Variants in GDPD4 observed in about 807,000 individuals in gnomAD.
GDPD4 encodes the protein glycerophosphodiester phosphodiesterase domain containing 4.
Under a neutral mutation model 67.8 loss-of-function variants are expected in GDPD4, and 60 were observed. The observed-to-expected ratio is 0.88, with a 90% confidence interval of 0.72 to 1.10. The LOEUF is 1.10. Ranked by LOEUF, GDPD4 falls within the 50% of genes least tolerant of loss-of-function variation. The pLI, the probability that GDPD4 is intolerant of heterozygous loss-of-function variation, is 0.00. For synonymous variants in GDPD4, 212 were observed against 210.9 expected (o/e 1.00, Z -0.04); for missense variants, 623 against 613.9 (o/e 1.01, Z -0.16).
intron 5 of GDPD4, among the ~76,000 whole-genome samples, chr11:77,272,635 G>C (rs939167027): frequency 1.3e-5 from 2 of 152,068 alleles, no homozygotes; most frequent in African/African-American, 4.8e-5. Flanking sequence ...AATTAGCCAG[G>C]TGTGGTTGCA....
At chr11:77,253,665 C>CA (rs780453344) in intron 11 of GDPD4, among the ~76,000 whole-genome samples, 1 of 152,114 alleles carries the variant, frequency 6.6e-6, no homozygotes, top group African/African-American at 2.4e-5. Flanking sequence ...ATTGATTCTC[C>CA]AAGGGTTGAT....
rs58364800 is a variant in GDPD4, at chr11:77,228,499, CAAAAAAAAAAAA to C, written c.1473-595_1473-584del. On this transcript the variant is annotated intron_variant, in intron 15 of 16. Transcript: ENST00000315938. The stretch of plus-strand genomic sequence containing the variant: ...TGGGTGACAGAGCAAGACTCCGTCT[CAAAAAAAAAAAA>C]AAAAAAAAAAAAAAAAATTAGCCAG... Among the ~76,000 whole-genome samples the C allele has an allele frequency of 2.3e-4, 6 of 26,642 alleles. 1 individual carries two copies. Among genetic ancestry groups the C allele is most frequent in the South Asian group, 5.1e-3 (2 of 390 alleles). The allele number at this position is 26,642 out of a possible 152,430, so 17.5% of individuals were successfully genotyped here.
At position 77,233,136 on chromosome 11, in the gene GDPD4, G is replaced by A. The variant is rs374668056; in HGVS notation, c.1278C>T (p.Tyr426=). The A allele has an allele frequency of 5.0e-6, 8 of 1,613,824 alleles. No homozygotes were observed. Among genetic ancestry groups the A allele is most frequent in the South Asian group, 4.4e-5 (4 of 91,066 alleles). Residue 426 remains tyrosine, a synonymous_variant, in exon 14 of 17, where the codon TAC becomes TAT. Coordinates refer to ENST00000315938, the MANE Select transcript of GDPD4 (RefSeq NM_182833.3). ...AGAAAAGCCAAGGCTCATTGACGGT[G>A]TATACGTTGATATGGATGTTAGCTG... is the stretch of plus-strand genomic sequence containing the variant. The part of the protein sequence containing the change: ...YKAANIHINV[Y]TVNEPWLFSL...
chr11:77,280,093 A>G (rs1959691552), intron 3 of GDPD4, among the ~76,000 whole-genome samples: 1 of 152,202 alleles, frequency 6.6e-6, no homozygotes, highest in Non-Finnish European at 1.5e-5. Flanking sequence ...TGTGAGATAA[A>G]CTAGGAAGAA....
chr11:77,292,360 C>G (rs527499889), intron 1 of GDPD4, among the ~76,000 whole-genome samples: 11 of 151,812 alleles, frequency 7.2e-5, no homozygotes, highest in Non-Finnish European at 1.5e-4. Flanking sequence ...CTAAGTAACT[C>G]TGAGTTAAAA....
At chr11:77,258,362 G>A (rs747373436) in intron 11 of GDPD4, 24 bp downstream of exon 11, 1 of 1,611,190 alleles carries the variant, frequency 6.2e-7, no homozygotes, top group Non-Finnish European at 8.5e-7. Flanking sequence ...ATGCAGGTTT[G>A]TGGAACTTGG....
chr11:77,220,225 C>A (rs10793242), intron 16 of GDPD4, among the ~76,000 whole-genome samples: 37,906 of 152,114 alleles, frequency 0.25, 5,820 homozygotes, highest in South Asian at 0.43. Context: ...ATTGCCCTGG[C>A]CAGAACTTCC....
At chr11:77,221,639 G>A (rs1958226700) in intron 16 of GDPD4, among the ~76,000 whole-genome samples, 1 of 152,170 alleles carries the variant, frequency 6.6e-6, no homozygotes, top group South Asian at 2.1e-4. Flanking sequence ...GCTGAGGAGT[G>A]CTTTACTTCC....
At chr11:77,244,065 G>C (rs2135843669) in intron 12 of GDPD4, among the ~76,000 whole-genome samples, 1 of 152,280 alleles carries the variant, frequency 6.6e-6, no homozygotes, top group African/African-American at 2.4e-5. Flanking sequence ...GCCCAGGCTG[G>C]AGTGCAGTGG....
At chr11:77,277,540 C>CT (rs1363615651) in intron 4 of GDPD4, among the ~76,000 whole-genome samples, 1 of 151,198 alleles carries the variant, frequency 6.6e-6, no homozygotes, top group Non-Finnish European at 1.5e-5. Context: ...GTAGCTGGGA[C>CT]TATGGGCGCC....
At chr11:77,284,576 C>G (rs1349852906) in intron 3 of GDPD4, among the ~76,000 whole-genome samples, 2 of 152,122 alleles carry the variant, frequency 1.3e-5, no homozygotes, top group African/African-American at 4.8e-5. Context: ...CAGAAAAGGG[C>G]TGGGAACATT....
Position 77,271,412 on chromosome 11 carries a change from A to C in GDPD4, c.208-19T>G. The C allele has an allele frequency of 1.3e-6, 2 of 1,510,848 alleles. No individual in the cohort carries two copies. Among genetic ancestry groups the C allele is most frequent in the South Asian group, 2.2e-5 (2 of 88,940 alleles). 93.6% of individuals were successfully genotyped at this position (1,510,848 alleles called of 1,614,324 possible). On this transcript the variant is annotated intron_variant, in intron 5 of 16. Transcript: ENST00000315938. Reference sequence around the variant, plus strand: ...TCAGGATCTAGGGAAACAGAAAAAAAATCTCCTGACTTCAAGCACTAGGCT... The same window carrying C: ...TCAGGATCTAGGGAAACAGAAAAAACATCTCCTGACTTCAAGCACTAGGCT...
chr11:77,221,655 T>C (rs1437264214), intron 16 of GDPD4, among the ~76,000 whole-genome samples: 2 of 152,180 alleles, frequency 1.3e-5, no homozygotes, highest in African/African-American at 2.4e-5. Flanking sequence ...CTTCCAACTA[T>C]GTGGTCAGTT....
chr11:77,295,032 G>A (rs749168234), intron 1 of GDPD4, among the ~76,000 whole-genome samples: 6 of 141,102 alleles, frequency 4.3e-5, no homozygotes, highest in Admixed American at 2.3e-4. Flanking sequence ...AGTGGAAGGC[G>A]ATCTCAGCTC....
chr11:77,230,765 C>G (rs149899690), intron 14 of GDPD4, among the ~76,000 whole-genome samples: 5 of 152,196 alleles, frequency 3.3e-5, no homozygotes, highest in Non-Finnish European at 7.3e-5. Context: ...CAGGCCCCTA[C>G]ACAACGTGAC....
intron 16 of GDPD4, among the ~76,000 whole-genome samples, chr11:77,222,083 T>C (rs1485878312): frequency 6.6e-6 from 1 of 152,220 alleles, no homozygotes; most frequent in African/African-American, 2.4e-5. Context: ...TTGGTAGATC[T>C]TCCTCCCTCC....
At chr11:77,252,065 G>GTTT (rs71043561) in intron 11 of GDPD4, among the ~76,000 whole-genome samples, 10 of 127,428 alleles carry the variant, frequency 7.8e-5, no homozygotes, top group East Asian at 4.4e-4. Flanking sequence ...TTTTTTTTTT[G>GTTT]TTTTTTTTTT....
intron 14 of GDPD4, among the ~76,000 whole-genome samples, chr11:77,231,421 C>T (rs917992981): frequency 6.6e-6 from 1 of 152,176 alleles, no homozygotes; most frequent in Admixed American, 6.5e-5. Context: ...ATCAGTCTAA[C>T]TCTGGAGTGT....
At chr11:77,233,279 G>C in intron 13 of GDPD4, 107 bp from the exon 14 acceptor site, 1 of 989,888 alleles carries the variant, frequency 1.0e-6, no homozygotes, top group Non-Finnish European at 1.6e-6. Context: ...TAAATCACCA[G>C]AAGCAGCTGA....
Sources: allele counts gnomAD v4.1 joint callset (sites outside exome capture counted in the v4.1 genomes callset), GRCh38; gene constraint gnomAD v4.1.1; transcripts MANE v1.5; gene names NCBI Gene and HGNC (gene_info 2026-07-23, HGNC 2026-07-21).